TMEM132D: variants seen among roughly 807,000 people sequenced by gnomAD.
TMEM132D encodes the protein transmembrane protein 132D.
Under a neutral mutation model 62.3 loss-of-function variants are expected in TMEM132D, and 21 were observed. That is an observed-to-expected ratio of 0.34 (90% CI 0.24 to 0.49). TMEM132D has a LOEUF of 0.49. Ranked by LOEUF, TMEM132D falls within the 20% of genes least tolerant of loss-of-function variation. The pLI, the probability that TMEM132D is intolerant of heterozygous loss-of-function variation, is 0.99. For synonymous variants in TMEM132D, 621 were observed against 575.6 expected (o/e 1.08, Z -1.13); for missense variants, 1,346 against 1,402.8 (o/e 0.96, Z 0.65).
intron 3 of TMEM132D, among the ~76,000 whole-genome samples, chr12:129,455,898 TA>T (rs1873448633): frequency 1.3e-5 from 2 of 152,212 alleles, no homozygotes; most frequent in Admixed American, 1.3e-4. Context: ...CTCCATTTTT[TA>T]ATTAAAGGAC....
chr12:129,861,087 G>A (rs992511960), intron 1 of TMEM132D, among the ~76,000 whole-genome samples: 4 of 152,126 alleles, frequency 2.6e-5, no homozygotes, highest in African/African-American at 9.7e-5. Context: ...CTTTTGAAAC[G>A]CTTTCTGAAA....
At chr12:129,821,380 TG>T (rs1872537863) in intron 1 of TMEM132D, among the ~76,000 whole-genome samples, 1 of 152,110 alleles carries the variant, frequency 6.6e-6, no homozygotes, top group Non-Finnish European at 1.5e-5. Flanking sequence ...GTTGGCCTTC[TG>T]GGGGGTTTGA....
intron 5 of TMEM132D, among the ~76,000 whole-genome samples, chr12:129,186,771 T>C (rs1878233813): frequency 6.6e-6 from 1 of 152,226 alleles, no homozygotes; most frequent in Non-Finnish European, 1.5e-5. Flanking sequence ...GATTTAGCAT[T>C]GTAATCATTC....
At chr12:129,757,506 C>T (rs1183067781) in intron 1 of TMEM132D, among the ~76,000 whole-genome samples, 1 of 152,194 alleles carries the variant, frequency 6.6e-6, no homozygotes, top group Non-Finnish European at 1.5e-5. Context: ...ACTGCCTACA[C>T]ACCAGCTCCA....
rs138339613 is a variant in TMEM132D at position 129,084,888 on chromosome 12, C to T, written c.1444-186G>A. ...GTTGCTTTTGAGTAATAATAGCAGACGCTGTTATGAAAGGTGCTCTCTGAG... is the reference window on the plus strand; with the variant it reads ...GTTGCTTTTGAGTAATAATAGCAGATGCTGTTATGAAAGGTGCTCTCTGAG... On this transcript the variant is annotated intron_variant, in intron 5 of 8. Coordinates refer to ENST00000422113, the MANE Select transcript of TMEM132D (RefSeq NM_133448.3). 5.6e-3 allele frequency: 3,350 copies of T among 593,920 alleles called. 15 individuals are homozygous for T. Among genetic ancestry groups the T allele is most frequent in the Non-Finnish European group, 7.7e-3 (2,626 of 340,092 alleles). 36.8% of individuals were successfully genotyped at this position (593,920 alleles called of 1,614,324 possible). A position where few individuals can be genotyped will look rare whatever the true frequency, so the allele number is the denominator to read the frequency against.
At chr12:129,295,518 C>A (rs577578408) in intron 4 of TMEM132D, among the ~76,000 whole-genome samples, 1 of 151,032 alleles carries the variant, frequency 6.6e-6, no homozygotes, top group Non-Finnish European at 1.5e-5. Context: ...GCAACCTCCA[C>A]CTCCCGGGTT....
rs61943419 is a variant in TMEM132D, at chr12:129,779,783, C to T, written c.80-79085G>A. On this transcript the variant is annotated intron_variant, in intron 1 of 8. Coordinates refer to ENST00000422113, the MANE Select transcript of TMEM132D (RefSeq NM_133448.3). The surrounding 1 kb of genome is among the most constrained non-coding windows in gnomAD (Gnocchi z 4.1). Reference sequence around the variant, plus strand: ...GGATTTAAGGGGTCGCCTCCCCACTCAAACTCATGACGGCCTTAAGGTCTC... The same window carrying T: ...GGATTTAAGGGGTCGCCTCCCCACTTAAACTCATGACGGCCTTAAGGTCTC... Among the ~76,000 whole-genome samples, 5,112 of 152,208 alleles carry T rather than the reference C, an allele frequency of 0.034. 150 individuals carry two copies. Among genetic ancestry groups the T allele is most frequent in the Non-Finnish European group, 0.046 (3,141 of 68,016 alleles).
chr12:129,583,547 C>A (rs1162617744), intron 2 of TMEM132D, among the ~76,000 whole-genome samples: 1 of 152,200 alleles, frequency 6.6e-6, no homozygotes, highest in Non-Finnish European at 1.5e-5. Context: ...AACAAGCAGT[C>A]ATCATTCTAG....
chr12:129,605,715 T>C (rs1434424911), intron 2 of TMEM132D, among the ~76,000 whole-genome samples: 8 of 151,636 alleles, frequency 5.3e-5, no homozygotes. Flanking sequence ...AATATTCATG[T>C]GGAAACCTTG....
chr12:129,729,199 A>G (rs1168881296), intron 1 of TMEM132D, among the ~76,000 whole-genome samples: 1 of 152,114 alleles, frequency 6.6e-6, no homozygotes, highest in African/African-American at 2.4e-5. Flanking sequence ...GTTTTCCACC[A>G]CAGACATTTT....
chr12:129,282,819 C>T (rs1163976690), intron 4 of TMEM132D, among the ~76,000 whole-genome samples: 1 of 152,174 alleles, frequency 6.6e-6, no homozygotes, highest in African/African-American at 2.4e-5. Context: ...GCCAAAAGCA[C>T]AGGCAATGGA....
At chr12:129,327,837 T>TATCA (rs1868965634) in intron 4 of TMEM132D, among the ~76,000 whole-genome samples, 1 of 152,228 alleles carries the variant, frequency 6.6e-6, no homozygotes, top group Non-Finnish European at 1.5e-5. Context: ...AAATAAATCA[T>TATCA]GATCATATCA....
At chr12:129,196,378 C>T (rs1286612880) in intron 5 of TMEM132D, among the ~76,000 whole-genome samples, 1 of 152,160 alleles carries the variant, frequency 6.6e-6, no homozygotes, top group Non-Finnish European at 1.5e-5. Flanking sequence ...TTATCTCCTG[C>T]CTCTTGTATT....
intron 5 of TMEM132D, among the ~76,000 whole-genome samples, chr12:129,103,257 G>A (rs533899466): frequency 1.3e-5 from 2 of 152,242 alleles, no homozygotes; most frequent in Admixed American, 1.3e-4. Flanking sequence ...TGAGCATTAG[G>A]ACAGTAATGC....
chr12:129,562,944 T>C (rs1402382700), intron 2 of TMEM132D, among the ~76,000 whole-genome samples: 1 of 152,204 alleles, frequency 6.6e-6, no homozygotes, highest in Non-Finnish European at 1.5e-5. Flanking sequence ...CTGTAGATAA[T>C]TCTATTACGG....
At chr12:129,727,741 T>C (rs1869088573) in intron 1 of TMEM132D, among the ~76,000 whole-genome samples, 1 of 151,986 alleles carries the variant, frequency 6.6e-6, no homozygotes, top group African/African-American at 2.4e-5. Context: ...ATGATTCAAA[T>C]GTGGAATGTG....
intron 1 of TMEM132D, among the ~76,000 whole-genome samples, chr12:129,874,677 G>C (rs371073407): frequency 8.5e-5 from 12 of 141,196 alleles, no homozygotes; most frequent in South Asian, 6.9e-4. Context: ...AGCCCCAAAA[G>C]TAAAAATGTT....
At chr12:129,696,045 T>C (rs192689616) in intron 2 of TMEM132D, among the ~76,000 whole-genome samples, 1 of 152,296 alleles carries the variant, frequency 6.6e-6, no homozygotes, top group East Asian at 1.9e-4. Context: ...CCAACACAGG[T>C]TCAAAGGTTA....
intron 2 of TMEM132D, among the ~76,000 whole-genome samples, chr12:129,567,366 T>C (rs1234735861): frequency 6.6e-6 from 1 of 152,182 alleles, no homozygotes; most frequent in Non-Finnish European, 1.5e-5. Flanking sequence ...AGACCAGAAG[T>C]TCATTGATAG....
Sources: gnomAD v4.1 joint callset for allele counts (sites outside exome capture counted in the v4.1 genomes callset) on GRCh38, gnomAD v4.1.1 for gene constraint, Gnocchi (gnomAD v3.1) non-coding constraint, MANE v1.5 for transcripts, NCBI Gene and HGNC (gene_info 2026-07-23, HGNC 2026-07-21) for gene names.